The following AJAP1 variants were observed in gnomAD, a reference collection of about 807,000 sequenced individuals.
AJAP1 encodes the protein adherens junction-associated protein 1.
Under a neutral mutation model 35.0 loss-of-function variants are expected in AJAP1, and 5 were observed. That is an observed-to-expected ratio of 0.14 (90% confidence interval 0.07 to 0.30). The LOEUF is 0.30. Among genes scored for constraint, AJAP1 ranks in the 10% least tolerant of loss-of-function variants. The pLI, the probability that AJAP1 is intolerant of heterozygous loss-of-function variation, is 1.00. For missense variants in AJAP1, 586 were observed against 571.0 expected, an observed-to-expected ratio of 1.03 and a Z score of -0.27; for synonymous variants, 284 against 249.3, an observed-to-expected ratio of 1.14 and a Z score of -1.31.
At chr1:4,726,896 T>C (rs534991079) in intron 2 of AJAP1, among the ~76,000 whole-genome samples, 2 of 152,208 alleles carry the variant, frequency 1.3e-5, no homozygotes, top group South Asian at 4.1e-4. Flanking sequence ...ACGGAAGAGC[T>C]TCCAAGAGGC....
At chr1:4,770,714 G>A (rs570803506) in intron 3 of AJAP1, among the ~76,000 whole-genome samples, 31 of 152,268 alleles carry the variant, frequency 2.0e-4, no homozygotes, top group Admixed American at 3.9e-4. Context: ...GCTGATGGTG[G>A]AAACCGCATC....
chr1:4,725,179 C>T (rs1242966363), intron 2 of AJAP1, among the ~76,000 whole-genome samples: 11 of 152,142 alleles, frequency 7.2e-5, no homozygotes, highest in Admixed American at 3.3e-4. Flanking sequence ...GAACCTCTGA[C>T]CCCGGCAGAG....
rs145940439 is a variant in AJAP1 at position 4,723,988 on chromosome 1, G to A, written c.829+11289G>A. Among the ~76,000 whole-genome samples the A allele has an allele frequency of 1.3e-5, 2 of 152,262 alleles. No individual in the cohort carries two copies. The highest frequency in any genetic ancestry group is 4.8e-5 in the African/African-American group (2 of 41,556). The stretch of plus-strand genomic sequence containing the variant: ...AGACCTCAAGAGGTGTCCAAGAAAA[G>A]CCTGGTTTCCGAATTCTGTGTTTCT... On this transcript the variant is annotated intron_variant, in intron 2 of 5. Coordinates refer to ENST00000378191, the MANE Select transcript of AJAP1 (RefSeq NM_018836.4). This position sits in a 1 kb window ranked among gnomAD's most constrained non-coding sequence, Gnocchi z 4.3.
chr1:4,675,245 GA>G (rs1374231183), intron 1 of AJAP1, among the ~76,000 whole-genome samples: 1 of 152,228 alleles, frequency 6.6e-6, no homozygotes, highest in Non-Finnish European at 1.5e-5. Context: ...TCACCAGAAG[GA>G]CTTGAAGAAT....
chr1:4,657,310 C>G (rs1346271488), intron 1 of AJAP1, among the ~76,000 whole-genome samples: 1 of 152,078 alleles, frequency 6.6e-6, no homozygotes, highest in Non-Finnish European at 1.5e-5. Context: ...CGTTTTTCCC[C>G]CCTCGATGTC....
At chr1:4,774,584 T>C (rs1641906131) in intron 5 of AJAP1, 26 bp downstream of exon 5, 1 of 1,391,262 alleles carries the variant, frequency 7.2e-7, no homozygotes, top group Non-Finnish European at 1.0e-6. Flanking sequence ...TGGACATTCC[T>C]GTTTTCGTTC....
In AJAP1 at chr1:4,693,426, T is replaced by C. The variant is rs1639789056; in HGVS notation, c.30-18474T>C. On this transcript the variant is annotated intron_variant, in intron 1 of 5. Coordinates refer to ENST00000378191, the MANE Select transcript of AJAP1 (RefSeq NM_018836.4). The surrounding 1 kb of genome is among the most constrained non-coding windows in gnomAD (Gnocchi z 4.4). ...TGGAGGAGGCCTAAGCAGGAGCAGGTAGGGCTTCTGGGCTAAGACTGAGCG... is the reference window on the plus strand; with the variant it reads ...TGGAGGAGGCCTAAGCAGGAGCAGGCAGGGCTTCTGGGCTAAGACTGAGCG... Among the ~76,000 whole-genome samples, 1 of 151,402 alleles carries C rather than the reference T, an allele frequency of 6.6e-6. No homozygotes were observed. Among genetic ancestry groups the C allele is most frequent in the Non-Finnish European group, 1.5e-5 (1 of 67,780 alleles).
intron 3 of AJAP1, among the ~76,000 whole-genome samples, chr1:4,770,612 C>T (rs1641812855): frequency 6.6e-6 from 1 of 152,204 alleles, no homozygotes. Flanking sequence ...AACTGTGTCT[C>T]CTTTCGGCAT....
intron 2 of AJAP1, among the ~76,000 whole-genome samples, chr1:4,719,707 C>T (rs1057346561): frequency 6.6e-6 from 1 of 152,130 alleles, no homozygotes; most frequent in Non-Finnish European, 1.5e-5. Context: ...CCTCTAGCTC[C>T]GAATTGCCCT....
chr1:4,662,017 G>C (rs1639008971), intron 1 of AJAP1, among the ~76,000 whole-genome samples: 1 of 151,962 alleles, frequency 6.6e-6, no homozygotes, highest in Non-Finnish European at 1.5e-5. Flanking sequence ...AGCATAAGAA[G>C]TCTGAGTAAA....
At chr1:4,691,185 C>T (rs1195942721) in intron 1 of AJAP1, among the ~76,000 whole-genome samples, 2 of 152,196 alleles carry the variant, frequency 1.3e-5, no homozygotes, top group Non-Finnish European at 1.5e-5. Flanking sequence ...CCATCAGGCT[C>T]CCGGAACAGA....
chr1:4,748,766 A>T, intron 2 of AJAP1, among the ~76,000 whole-genome samples: 1 of 151,578 alleles, frequency 6.6e-6, no homozygotes, highest in South Asian at 2.1e-4. Context: ...AAAAAAAAAA[A>T]AAAAAAAAGA....
At chr1:4,691,016 G>T (rs1639727494) in intron 1 of AJAP1, among the ~76,000 whole-genome samples, 1 of 152,200 alleles carries the variant, frequency 6.6e-6, no homozygotes, top group African/African-American at 2.4e-5. Flanking sequence ...GAAGCCAGGG[G>T]TGCCAGGCTG....
chr1:4,746,091 G>C (rs1641180929), intron 2 of AJAP1, among the ~76,000 whole-genome samples: 1 of 152,218 alleles, frequency 6.6e-6, no homozygotes, highest in Non-Finnish European at 1.5e-5. Flanking sequence ...AAGTCTGAAA[G>C]AAAGGTGTCC....
At chr1:4,767,496 A>G (rs901824311) in intron 2 of AJAP1, among the ~76,000 whole-genome samples, 2 of 151,046 alleles carry the variant, frequency 1.3e-5, no homozygotes, top group Non-Finnish European at 2.9e-5. Flanking sequence ...CATTACCATC[A>G]TTATCACCAT....
chr1:4,673,905 C>T (rs1639302573), intron 1 of AJAP1, among the ~76,000 whole-genome samples: 2 of 151,760 alleles, frequency 1.3e-5, no homozygotes, highest in Non-Finnish European at 1.5e-5. Context: ...ATGAATTGAA[C>T]CTCATTACTC....
In AJAP1 at chr1:4,712,686, G is replaced by C. The variant is rs762966524; in HGVS notation, c.816G>C (p.Leu272=). The C allele has an allele frequency of 2.0e-6, 3 of 1,514,486 alleles. No individual in the cohort carries two copies. Among genetic ancestry groups the C allele is most frequent in the African/African-American group, 2.8e-5 (2 of 71,900 alleles). 93.8% of individuals were successfully genotyped at this position (1,514,486 alleles called of 1,614,324 possible). A position where few individuals can be genotyped will look rare whatever the true frequency, so the allele number is the denominator to read the frequency against. Residue 272 remains leucine, a synonymous_variant, in exon 2 of 6, where the codon CTG becomes CTC. Transcript: ENST00000378191. The part of the protein sequence containing the change: ...NGEVTQPPRI[L]GEASGLAVHQ... Reference sequence around the variant, plus strand: ...AAGTCACCCAGCCCCCAAGGATTCTGGGGGAGGCCTCAGGTACAGCCATCT... The same window carrying C: ...AAGTCACCCAGCCCCCAAGGATTCTCGGGGAGGCCTCAGGTACAGCCATCT...
chr1:4,745,355 G>A lies in AJAP1; in HGVS notation c.830-24498G>A, dbSNP rs148481626. ...TCAGAGGGAGGGGACAGGTCTCCAG[G>A]GCTCTGCCTTTCTCCCCCATTACCA... On this transcript the variant is annotated intron_variant, in intron 2 of 5. Transcript: ENST00000378191. Among the ~76,000 whole-genome samples the A allele has an allele frequency of 9.1e-3, 1,391 of 152,070 alleles. 25 individuals carry two copies. Among genetic ancestry groups the A allele is most frequent in the African/African-American group, 0.032 (1,310 of 41,476 alleles).
chr1:4,724,192 G>T (rs546248793), intron 2 of AJAP1, among the ~76,000 whole-genome samples: 1 of 152,180 alleles, frequency 6.6e-6, no homozygotes, highest in Admixed American at 6.5e-5. Flanking sequence ...GGGCACCTGC[G>T]AATGCCAGGC....
Sources: gnomAD v4.1 joint callset for allele counts (sites outside exome capture counted in the v4.1 genomes callset) on GRCh38, gnomAD v4.1.1 for gene constraint, Gnocchi (gnomAD v3.1) non-coding constraint, MANE v1.5 for transcripts, NCBI Gene and HGNC (gene_info 2026-07-23, HGNC 2026-07-21) for gene names.